The following PAK4 variants were observed in gnomAD, a reference collection of about 807,000 sequenced individuals.
PAK4 encodes serine/threonine-protein kinase PAK 4.
In PAK4, 49 loss-of-function variants were observed where a neutral mutation model predicts 53.5. That is an observed-to-expected ratio of 0.92 (90% CI 0.73 to 1.16). The LOEUF is 1.16. Ranked by LOEUF, PAK4 falls within the 50% of genes most tolerant of loss-of-function variation. The pLI is 0.00. For synonymous variants in PAK4, 376 were observed against 375.6 expected, an observed-to-expected ratio of 1.00 and a Z score of -0.01; for missense variants, 824 against 850.7, an observed-to-expected ratio of 0.97 and a Z score of 0.39.
chr19:39,165,556 T>A (rs201681866), intron 1 of PAK4, among the ~76,000 whole-genome samples: 129 of 124,074 alleles, frequency 1.0e-3, no homozygotes, highest in East Asian at 4.2e-3. Flanking sequence ...ATAAATAAAA[T>A]AATAATAGAC....
chr19:39,156,996 A>T (rs1205079080), intron 1 of PAK4: 3 of 152,144 alleles, frequency 2.0e-5, no homozygotes, highest in Non-Finnish European at 4.4e-5. Flanking sequence ...CTGTGTTTCC[A>T]TGTGTGCGAG....
chr19:39,128,738 AG>A (rs2073640783), intron 1 of PAK4, among the ~76,000 whole-genome samples: 2 of 152,222 alleles, frequency 1.3e-5, no homozygotes, highest in Non-Finnish European at 2.9e-5. Flanking sequence ...CCTCCCTTCC[AG>A]GGGCAGCCTC....
intron 1 of PAK4, among the ~76,000 whole-genome samples, chr19:39,167,178 C>T (rs1302007562): frequency 6.6e-6 from 1 of 152,220 alleles, no homozygotes; most frequent in East Asian, 1.9e-4. Context: ...CATGGCTGAT[C>T]CTCTTCCCGT....
intron 1 of PAK4, among the ~76,000 whole-genome samples, chr19:39,126,232 A>C (rs1047796827): frequency 2.0e-5 from 3 of 152,094 alleles, no homozygotes; most frequent in Non-Finnish European, 4.4e-5. Context: ...GGCTGCCCCC[A>C]CGAGGGTCAG....
chr19:39,163,398 C>T (rs962471078), intron 1 of PAK4, among the ~76,000 whole-genome samples: 1 of 152,048 alleles, frequency 6.6e-6, no homozygotes. Context: ...CTGGAGGGGG[C>T]GGGGCAGGAG....
rs893803216 is a variant in PAK4 at position 39,161,836 on chromosome 19, T to C, written c.-22-7696T>C. 9.2e-5 allele frequency among the ~76,000 whole-genome samples: 14 copies of C among 152,076 alleles called. No individual in the cohort carries two copies. The highest frequency in any genetic ancestry group is 1.3e-4 in the Non-Finnish European group (9 of 68,008). On this transcript the variant is annotated intron_variant, in intron 1 of 8. Transcript: ENST00000358301. This position sits in a 1 kb window ranked among gnomAD's most constrained non-coding sequence, Gnocchi z 4.5. The stretch of plus-strand genomic sequence containing the variant: ...AAATTCCTACCGCCCTGGCTGTTCC[T>C]TCCTCCTGGGCTGCCCTTCCTCCAG...
chr19:39,130,932 A>C (rs1047158970), intron 1 of PAK4, among the ~76,000 whole-genome samples: 16 of 151,590 alleles, frequency 1.1e-4, no homozygotes, highest in African/African-American at 3.6e-4. Context: ...GTGACAGTCC[A>C]AGCAGAAGAG....
At chr19:39,142,271 T>C (rs1306194785) in intron 1 of PAK4, among the ~76,000 whole-genome samples, 2 of 152,218 alleles carry the variant, frequency 1.3e-5, no homozygotes, top group East Asian at 3.8e-4. Flanking sequence ...GTGTTCTCTG[T>C]CTCTGTGCTT....
rs752690359 is a variant in PAK4 at position 39,178,127 on chromosome 19, A to C, written c.1621-297A>C. Among the ~76,000 whole-genome samples the C allele has an allele frequency of 5.9e-5, 9 of 152,130 alleles. No homozygotes were observed. Among genetic ancestry groups the C allele is most frequent in the Non-Finnish European group, 1.0e-4 (7 of 68,000 alleles). ...CTAGTGGAGGACTTGCCAGGAGGGAAAGGGGCACCTCTGGGCCCCAGTTGC... is the reference window on the plus strand; with the variant it reads ...CTAGTGGAGGACTTGCCAGGAGGGACAGGGGCACCTCTGGGCCCCAGTTGC... On this transcript the variant is annotated intron_variant, in intron 8 of 8. Transcript: ENST00000358301. The surrounding 1 kb of genome is among the most constrained non-coding windows in gnomAD (Gnocchi z 4.4).
At chr19:39,133,487 C>G (rs139491493) in intron 1 of PAK4, among the ~76,000 whole-genome samples, 1 of 152,096 alleles carries the variant, frequency 6.6e-6, no homozygotes, top group South Asian at 2.1e-4. Context: ...GACCTGGCCC[C>G]GTCACAGAGC....
chr19:39,129,936 C>G (rs2073668598), intron 1 of PAK4, among the ~76,000 whole-genome samples: 1 of 152,150 alleles, frequency 6.6e-6, no homozygotes, highest in African/African-American at 2.4e-5. Context: ...TTCTGTGTAT[C>G]TGACTGTTGG....
rs760846945 is a variant in PAK4, at chr19:39,173,770, C to T, written c.858C>T (p.Pro286=). The change falls in exon 4 of 9, where the codon CCC becomes CCT. Residue 286 remains proline, a synonymous_variant. Transcript: ENST00000358301. The surrounding 1 kb of genome is among the most constrained non-coding windows in gnomAD (Gnocchi z 6.9). ...CCGCCGCCCCTGCTGTTCCTGGGCC[C>T]CCTGGCCCCCGCTCACCACAGCGGG... 2.5e-6 allele frequency: 4 copies of T among 1,594,932 alleles called. No homozygotes were observed. The highest frequency in any genetic ancestry group is 1.7e-5 in the Admixed American group (1 of 58,154).
At chr19:39,127,526 C>T (rs2073611004) in intron 1 of PAK4, among the ~76,000 whole-genome samples, 1 of 152,158 alleles carries the variant, frequency 6.6e-6, no homozygotes, top group Non-Finnish European at 1.5e-5. Flanking sequence ...CTGTGGGGTT[C>T]CTTGCCTCGG....
At chr19:39,144,113 T>TAGACAGAC (rs1399170027) in intron 1 of PAK4, among the ~76,000 whole-genome samples, 1 of 102,430 alleles carries the variant, frequency 9.8e-6, no homozygotes, top group African/African-American at 3.0e-5. Context: ...GATAGATAGA[T>TAGACAGAC]AGATAGACAG....
chr19:39,154,058 A>C (rs1911607571), intron 1 of PAK4, among the ~76,000 whole-genome samples: 1 of 152,120 alleles, frequency 6.6e-6, no homozygotes, highest in East Asian at 1.9e-4. Context: ...GCTCATCCAC[A>C]TGTAGCTGTA....
At chr19:39,128,608 A>C (rs1335544326) in intron 1 of PAK4, among the ~76,000 whole-genome samples, 1 of 152,210 alleles carries the variant, frequency 6.6e-6, no homozygotes, top group Non-Finnish European at 1.5e-5. Context: ...ACGTTTGGCT[A>C]GGGGAAAAAG....
At chr19:39,128,988 C>T (rs1473041844) in intron 1 of PAK4, among the ~76,000 whole-genome samples, 1 of 152,238 alleles carries the variant, frequency 6.6e-6, no homozygotes, top group African/African-American at 2.4e-5. Context: ...TTCTTATGGC[C>T]AGCAGGGGCT....
At chr19:39,177,865 A>G in intron 8 of PAK4, 56 bp downstream of exon 9, 1 of 1,567,636 alleles carries the variant, frequency 6.4e-7, no homozygotes, top group South Asian at 1.2e-5. Context: ...GCAGGGCTCC[A>G]GGTGGAGCAT....
intron 1 of PAK4, among the ~76,000 whole-genome samples, chr19:39,148,744 C>T (rs1242602557): frequency 6.6e-6 from 1 of 151,396 alleles, no homozygotes; most frequent in Non-Finnish European, 1.5e-5. Context: ...CGTGAGCCAC[C>T]ACACCCTGCC....
Sources: gnomAD v4.1 joint callset for allele counts (sites outside exome capture counted in the v4.1 genomes callset) on GRCh38, gnomAD v4.1.1 for gene constraint, Gnocchi (gnomAD v3.1) non-coding constraint, MANE v1.5 for transcripts, NCBI Gene and HGNC (gene_info 2026-07-23, HGNC 2026-07-21) for gene names.